Variants in DNAJC21 observed in about 807,000 individuals in gnomAD.
The protein encoded by DNAJC21 is DnaJ heat shock protein family (Hsp40) member C21.
Under a neutral mutation model 72.4 loss-of-function variants are expected in DNAJC21, and 63 were observed. The observed-to-expected ratio is 0.87, with a 90% CI of 0.71 to 1.07. The LOEUF (loss-of-function observed/expected upper bound fraction) is 1.07. DNAJC21 is among the 50% of genes least tolerant of loss of function. The pLI, the probability that DNAJC21 is intolerant of heterozygous loss-of-function variation, is 0.00. For missense variants in DNAJC21, 634 were observed against 644.8 expected, an observed-to-expected ratio of 0.98 and a Z score of 0.18; for synonymous variants, 203 against 216.7, an observed-to-expected ratio of 0.94 and a Z score of 0.56.
chr5:34,943,356 A>G lies in DNAJC21; in HGVS notation c.984-1511A>G, dbSNP rs182706509. Among the ~76,000 whole-genome samples, 405 of 152,184 alleles carry G rather than the reference A, an allele frequency of 2.7e-3. 1 individual carries two copies. The highest frequency in any genetic ancestry group is 9.4e-3 in the African/African-American group (389 of 41,510). ...TCATTTTGTCTTTGTGCATTTCCTCATGATTAGATTCAGGTTATGCAGCCC... is the reference window on the plus strand; with the variant it reads ...TCATTTTGTCTTTGTGCATTTCCTCGTGATTAGATTCAGGTTATGCAGCCC... On this transcript the variant is annotated intron_variant, in intron 7 of 11. Transcript: ENST00000648817.
rs529057997 is a variant in DNAJC21, at chr5:34,929,685, C to T, written c.-135C>T. The T allele has an allele frequency of 2.3e-4, 50 of 221,282 alleles. No homozygotes were observed. The highest frequency in any genetic ancestry group is 1.2e-3 in the African/African-American group (50 of 41,960). 13.7% of individuals were successfully genotyped at this position (221,282 alleles called of 1,614,324 possible). On this transcript the variant is annotated 5_prime_UTR_variant, in exon 1 of 12. Transcript: ENST00000648817. Reference sequence around the variant, plus strand: ...CCGCCGCCGCCGCCGCCGCCGGGCTCGCTGGCTGGCCCGGTGCGGGCGGCG... The same window carrying T: ...CCGCCGCCGCCGCCGCCGCCGGGCTTGCTGGCTGGCCCGGTGCGGGCGGCG...
At position 34,937,341 on chromosome 5, in the gene DNAJC21, T is replaced by C; in HGVS notation, c.454T>C (p.Tyr152His). 6.2e-7 allele frequency: 1 copy of C among 1,611,784 alleles called. No homozygotes were observed. Among genetic ancestry groups the C allele is most frequent in the Non-Finnish European group, 8.5e-7 (1 of 1,179,082 alleles). Residue 152 changes from tyrosine (Y) to histidine (H), a missense_variant, in exon 5 of 12, where the codon TAC becomes CAC. By Grantham distance (83) the Tyr-to-His change is moderately conservative (BLOSUM62 2). Transcript: ENST00000648817. ...TTGTCACTAGGTAGTCCATCCTTTC[T>C]ACGCTTATTGGCAGAGTTTCTGCAC... ...SDYDTVVHPF[Y>H]AYWQSFCTQK... is the part of the protein sequence containing the mutation.
intron 5 of DNAJC21, 90 bp from the exon 6 acceptor site, chr5:34,938,768 T>C (rs1764880742): frequency 7.3e-7 from 1 of 1,368,650 alleles, no homozygotes; most frequent in East Asian, 2.6e-5. Context: ...GAGCAAGCTC[T>C]CTAGTGGGAA....
In DNAJC21 at chr5:34,937,466, C is replaced by G; in HGVS notation, c.579C>G (p.Asp193Glu). The G allele has an allele frequency of 6.2e-7, 1 of 1,614,080 alleles. No individual in the cohort carries two copies. Among genetic ancestry groups the G allele is most frequent in the Non-Finnish European group, 8.5e-7 (1 of 1,179,990 alleles). The change falls in exon 5 of 12, where the codon GAC becomes GAG. Residue 193 changes from aspartate to glutamate, a missense_variant. Coordinates refer to ENST00000648817, the MANE Select transcript of DNAJC21 (RefSeq NM_001012339.3). Reference protein sequence around the residue: ...AMEKENKKIRDKARKEKNELV... With the variant: ...AMEKENKKIREKARKEKNELV... ...AAAAAGAAAACAAAAAGATTCGGGA[C>G]AAAGCAAGGAAAGAGAAGAATGAGC...
At position 34,955,742 on chromosome 5, in the gene DNAJC21, GTTC is replaced by G. The variant is rs994862187; in HGVS notation, c.*1031_*1033del. 9 of 152,258 alleles carry G rather than the reference GTTC, an allele frequency of 5.9e-5. No individual in the cohort carries two copies. The highest frequency in any genetic ancestry group is 1.9e-4 in the African/African-American group (8 of 41,540). 9.4% of individuals were successfully genotyped at this position (152,258 alleles called of 1,614,324 possible). ...GTCCATTTTTAGGATGGATTAGTCA[GTTC>G]TTTTCATTGGTCTTGAAAGTAATTT... is the stretch of plus-strand genomic sequence containing the variant. On this transcript the variant is annotated 3_prime_UTR_variant, in exon 12 of 12. Coordinates refer to ENST00000648817, the MANE Select transcript of DNAJC21 (RefSeq NM_001012339.3).
In DNAJC21 at chr5:34,956,192, A is replaced by C. The variant is rs1406527552; in HGVS notation, c.*1478A>C. 6.6e-6 allele frequency: 1 copy of C among 152,584 alleles called. No homozygotes were observed. Among genetic ancestry groups the C allele is most frequent in the African/African-American group, 2.4e-5 (1 of 41,426 alleles). The allele number at this position is 152,584 out of a possible 1,614,324, so 9.5% of individuals were successfully genotyped here. ...GAAATGAACAAATTTTCGGTTACAG[A>C]TCAGCTCTCAAACACTAAAGTCCTT... On this transcript the variant is annotated 3_prime_UTR_variant, in exon 12 of 12. Coordinates refer to ENST00000648817, the MANE Select transcript of DNAJC21 (RefSeq NM_001012339.3).
intron 1 of DNAJC21, 154 bp downstream of exon 1, chr5:34,930,070 T>C: frequency 2.1e-6 from 1 of 480,300 alleles, no homozygotes; most frequent in South Asian, 4.0e-5. Context: ...GGAGCCGCCC[T>C]GCCCGTCTCG....
chr5:34,950,392 G>A (rs771249003), intron 10 of DNAJC21, 50 bp downstream of exon 10: 284 of 1,563,270 alleles, frequency 1.8e-4, no homozygotes, highest in Admixed American at 3.1e-4. Context: ...TTGATAGTAA[G>A]GATGTAGCTT....
chr5:34,934,528 AC>A (rs1339687148), intron 2 of DNAJC21, among the ~76,000 whole-genome samples: 10 of 151,992 alleles, frequency 6.6e-5, no homozygotes, highest in African/African-American at 2.4e-4. Flanking sequence ...ACTGTGCTCA[AC>A]CAATACAGTG....
At position 34,929,794 on chromosome 5, in the gene DNAJC21, G is replaced by GCGCC. The variant is rs1211011572; in HGVS notation, c.-25_-22dup. 1 of 1,321,886 alleles carries GCGCC rather than the reference G, an allele frequency of 7.6e-7. No homozygotes were observed. 81.9% of individuals were successfully genotyped at this position (1,321,886 alleles called of 1,614,324 possible). A position where few individuals can be genotyped will look rare whatever the true frequency, so the allele number is the denominator to read the frequency against. ...GGCCCCGACCCCGTCCCGGGCCCCAGCGCCGGCCGCCCGCCCGGTCGGGCG... is the reference window on the plus strand; with the variant it reads ...GGCCCCGACCCCGTCCCGGGCCCCAGCGCCCGCCGGCCGCCCGCCCGGTCGGGCG... On this transcript the variant is annotated 5_prime_UTR_variant, in exon 1 of 12. Coordinates refer to ENST00000648817, the MANE Select transcript of DNAJC21 (RefSeq NM_001012339.3).
At chr5:34,949,693 GTTTGCCAGGCGTCTTTCT>G (rs1273260572) in intron 9 of DNAJC21, 16 of 1,613,312 alleles carry the variant, frequency 9.9e-6, no homozygotes, top group Non-Finnish European at 1.4e-5. Context: ...CTTAGGATAT[GTTTGCCAGGCGTCTTTCT>G]TTTATAATGC....
At chr5:34,949,286 G>A (rs1765276406) in intron 9 of DNAJC21, among the ~76,000 whole-genome samples, 4 of 151,850 alleles carry the variant, frequency 2.6e-5, no homozygotes, top group Admixed American at 2.6e-4. Flanking sequence ...CCAGATTATG[G>A]GACACTCTAC....
At chr5:34,943,055 C>T (rs1765051171) in intron 7 of DNAJC21, among the ~76,000 whole-genome samples, 1 of 151,514 alleles carries the variant, frequency 6.6e-6, no homozygotes, top group African/African-American at 2.4e-5. Flanking sequence ...GCAATAAGAG[C>T]AAAACTCCGT....
intron 8 of DNAJC21, among the ~76,000 whole-genome samples, chr5:34,945,509 A>G (rs556865443): frequency 1.3e-5 from 2 of 152,356 alleles, no homozygotes; most frequent in East Asian, 1.9e-4. Flanking sequence ...ACATATTATC[A>G]CTATATTAAA....
At chr5:34,936,632 A>G (rs1482253000) in intron 4 of DNAJC21, among the ~76,000 whole-genome samples, 2 of 152,176 alleles carry the variant, frequency 1.3e-5, no homozygotes, top group African/African-American at 4.8e-5. Context: ...TTTTAAAACA[A>G]TTGGTTCTAG....
chr5:34,952,055 A>G (rs1188746076), intron 10 of DNAJC21: 2 of 985,200 alleles, frequency 2.0e-6, no homozygotes, highest in Admixed American at 6.2e-5. Context: ...TTATGCTGGC[A>G]GCTCCTCTGT....
At chr5:34,937,276 TA>T (rs768401261) in intron 4 of DNAJC21, 49 bp from the exon 5 acceptor site, 461 of 1,517,918 alleles carry the variant, frequency 3.0e-4, no homozygotes, top group South Asian at 4.3e-4. Context: ...ACTGCTTTTC[TA>T]AAAAAAAATC....
chr5:34,941,224 G>A, intron 7 of DNAJC21, 41 bp downstream of exon 7: 3 of 1,568,394 alleles, frequency 1.9e-6, no homozygotes, highest in Non-Finnish European at 2.6e-6. Flanking sequence ...TTGAGACAGG[G>A]TCTCACTCTG....
intron 2 of DNAJC21, among the ~76,000 whole-genome samples, chr5:34,935,338 T>A (rs765267543): frequency 6.6e-6 from 1 of 152,228 alleles, no homozygotes; most frequent in Non-Finnish European, 1.5e-5. Flanking sequence ...CCAGTGCATC[T>A]TGGTAAATTT....
Sources: allele counts gnomAD v4.1 joint callset (sites outside exome capture counted in the v4.1 genomes callset), GRCh38; gene constraint gnomAD v4.1.1; transcripts MANE v1.5; gene names NCBI Gene and HGNC (gene_info 2026-07-23, HGNC 2026-07-21).